The following WIPF2 variants were observed in gnomAD, a reference collection of about 807,000 sequenced individuals.
WIPF2 encodes WAS/WASL interacting protein family member 2, also known as WAS/WASL-interacting protein family member 2.
A neutral mutation model predicts 38.8 loss-of-function variants in WIPF2; 23 were observed. The ratio of observed to expected loss-of-function variants is 0.59; its 90% CI spans 0.43 to 0.84. The LOEUF (loss-of-function observed/expected upper bound fraction) is 0.84, where lower values mean the gene tolerates loss of function less well. WIPF2 is among the 40% of genes least tolerant of loss of function. WIPF2 has a pLI of 0.00. For synonymous variants in WIPF2, 210 were observed against 223.2 expected (o/e 0.94, Z 0.53); for missense variants, 574 against 580.5 (o/e 0.99, Z 0.11).
chr17:40,273,847 C>T lies in WIPF2; in HGVS notation c.1028C>T (p.Pro343Leu), dbSNP rs369059320. 3.8e-6 allele frequency: 6 copies of T among 1,586,740 alleles called. No homozygotes were observed. Among genetic ancestry groups the T allele is most frequent in the African/African-American group, 2.7e-5 (2 of 73,884 alleles). ...RNGARDAPPPPPPYRMHGSEP... is the reference protein window; with the variant it reads ...RNGARDAPPPLPPYRMHGSEP... ...GGTGCCAGGGATGCTCCCCCTCCCCCACCACCATACCGAATGCATGGGTCA... is the reference window on the plus strand; with the variant it reads ...GGTGCCAGGGATGCTCCCCCTCCCCTACCACCATACCGAATGCATGGGTCA... The change falls in exon 6 of 8, where the codon CCA (proline) becomes CTA (leucine). Residue 343 changes from proline (P) to leucine (L), a missense_variant. Physicochemically the swap from Pro to Leu is moderately conservative, Grantham distance 98. Transcript: ENST00000323571.
intron 1 of WIPF2, among the ~76,000 whole-genome samples, chr17:40,222,942 A>T (rs1051442491): frequency 3.3e-5 from 5 of 149,560 alleles, no homozygotes; most frequent in African/African-American, 7.4e-5. Flanking sequence ...AAGTGTTGAG[A>T]TTACAGGCAT....
chr17:40,279,159 T>G lies in WIPF2; in HGVS notation c.*934T>G, dbSNP rs2032492555. The G allele has an allele frequency of 6.6e-6, 1 of 152,282 alleles. No homozygotes were observed. The allele number at this position is 152,282 out of a possible 1,614,324, so 9.4% of individuals were successfully genotyped here. A position where few individuals can be genotyped will look rare whatever the true frequency, so the allele number is the denominator to read the frequency against. ...GGCCTGGGCCTTAACCTCAATCTTG[T>G]GTCTGCCTCAGTCTTTTCTGACTGG... On this transcript the variant is annotated 3_prime_UTR_variant, in exon 8 of 8. Coordinates refer to ENST00000323571, the MANE Select transcript of WIPF2 (RefSeq NM_133264.5).
At chr17:40,271,972 G>A (rs1289418889) in intron 5 of WIPF2, among the ~76,000 whole-genome samples, 1 of 151,004 alleles carries the variant, frequency 6.6e-6, no homozygotes, top group East Asian at 1.9e-4. Context: ...GAGTGAATTT[G>A]ATTTTTGGAA....
intron 1 of WIPF2, among the ~76,000 whole-genome samples, chr17:40,226,526 C>A (rs1426758962): frequency 6.6e-6 from 1 of 151,468 alleles, no homozygotes; most frequent in East Asian, 2.0e-4. Context: ...TTGGAATTTT[C>A]TTCTAAGGTA....
chr17:40,228,164 C>T (rs959623003), intron 1 of WIPF2, among the ~76,000 whole-genome samples: 5 of 149,702 alleles, frequency 3.3e-5, no homozygotes, highest in African/African-American at 7.4e-5. Flanking sequence ...TACAGGCGCC[C>T]GCCACTACGC....
At chr17:40,223,533 GAAAA>G (rs58989731) in intron 1 of WIPF2, among the ~76,000 whole-genome samples, 1 of 142,986 alleles carries the variant, frequency 7.0e-6, no homozygotes. Flanking sequence ...GTGTTTTTAG[GAAAA>G]AAAAAAGGCA....
intron 4 of WIPF2, among the ~76,000 whole-genome samples, 164 bp from the exon 5 acceptor site, chr17:40,264,326 C>CAAAAAAAAAAAAAAAA (rs772320240): frequency 8.3e-5 from 2 of 23,964 alleles, no homozygotes; most frequent in Non-Finnish European, 1.7e-4. Context: ...AACTTCGTCT[C>CAAAAAAAAAAAAAAAA]AAAAAAAAAA....
In WIPF2 at chr17:40,281,889, A is replaced by G. The variant is rs2032552985; in HGVS notation, c.*3664A>G. 1 of 152,430 alleles carries G rather than the reference A, an allele frequency of 6.6e-6. No homozygotes were observed. The highest frequency in any genetic ancestry group is 1.5e-5 in the Non-Finnish European group (1 of 68,032). The allele number at this position is 152,430 out of a possible 1,614,324, so 9.4% of individuals were successfully genotyped here. Reference sequence around the variant, plus strand: ...AGCTGTCTGCCCTTCCGGAAACCCAACCTGCAATCAACTGCAAATCAAATT... The same window carrying G: ...AGCTGTCTGCCCTTCCGGAAACCCAGCCTGCAATCAACTGCAAATCAAATT... On this transcript the variant is annotated 3_prime_UTR_variant, in exon 8 of 8. Coordinates refer to ENST00000323571, the MANE Select transcript of WIPF2 (RefSeq NM_133264.5).
chr17:40,271,214 A>G (rs59490243), intron 5 of WIPF2, among the ~76,000 whole-genome samples: 22,110 of 152,110 alleles, frequency 0.15, 1,691 homozygotes, highest in East Asian at 0.3. Context: ...GGCATCAAGC[A>G]ATCTGCCTGC....
intron 1 of WIPF2, among the ~76,000 whole-genome samples, chr17:40,227,678 C>A (rs2030550186): frequency 6.6e-6 from 1 of 151,820 alleles, no homozygotes; most frequent in African/African-American, 2.4e-5. Flanking sequence ...CATGGTGAAA[C>A]CCTGTCTCTA....
chr17:40,239,364 C>T (rs2031100589), intron 1 of WIPF2, among the ~76,000 whole-genome samples: 1 of 152,142 alleles, frequency 6.6e-6, no homozygotes, highest in Non-Finnish European at 1.5e-5. Flanking sequence ...ATCCACTGCG[C>T]CCAGCCTTGG....
chr17:40,246,345 C>T (rs1440860084), intron 1 of WIPF2, among the ~76,000 whole-genome samples: 2 of 151,446 alleles, frequency 1.3e-5, no homozygotes, highest in Non-Finnish European at 2.9e-5. Flanking sequence ...CTCGGCCTCC[C>T]AAAGTGCTGG....
intron 6 of WIPF2, among the ~76,000 whole-genome samples, chr17:40,274,418 TA>T (rs1464187644): frequency 6.6e-6 from 1 of 151,742 alleles, no homozygotes; most frequent in Non-Finnish European, 1.5e-5. Context: ...ATTTTTTAAT[TA>T]TTTTTTATAG....
intron 1 of WIPF2, among the ~76,000 whole-genome samples, chr17:40,254,510 T>C (rs1353535774): frequency 3.3e-5 from 5 of 152,136 alleles, no homozygotes; most frequent in Middle Eastern, 3.2e-3. Context: ...GGGGTAGTTA[T>C]TGTTCTTGAG....
At chr17:40,274,557 G>GAAAAAAAAAAAAAAA (rs571085371) in intron 6 of WIPF2, among the ~76,000 whole-genome samples, 1 of 24,780 alleles carries the variant, frequency 4.0e-5, no homozygotes, top group African/African-American at 1.5e-4. Context: ...TGGAATTCTT[G>GAAAAAAAAAAAAAAA]AAAAAAAAAA....
At chr17:40,226,765 T>C (rs1033537271) in intron 1 of WIPF2, among the ~76,000 whole-genome samples, 3 of 152,120 alleles carry the variant, frequency 2.0e-5, no homozygotes, top group East Asian at 1.9e-4. Context: ...TTTTTGAGAC[T>C]GAGTCTTGCT....
intron 1 of WIPF2, among the ~76,000 whole-genome samples, chr17:40,239,110 C>T (rs1312124176): frequency 1.3e-5 from 2 of 150,916 alleles, no homozygotes; most frequent in African/African-American, 4.9e-5. Context: ...CTCGCTCTGT[C>T]GCCCAGGCTG....
chr17:40,268,171 A>G (rs946108852), intron 5 of WIPF2, among the ~76,000 whole-genome samples: 1 of 152,184 alleles, frequency 6.6e-6, no homozygotes, highest in Admixed American at 6.5e-5. Flanking sequence ...AGGTTATATC[A>G]TTAAGTAGCA....
At position 40,283,854 on chromosome 17, in the gene WIPF2, G is replaced by A. The variant is rs1029719713; in HGVS notation, c.*5629G>A. On this transcript the variant is annotated 3_prime_UTR_variant, in exon 8 of 8. Coordinates refer to ENST00000323571, the MANE Select transcript of WIPF2 (RefSeq NM_133264.5). ...AACCAGACATTCTCTCCTTACTGTG[G>A]TCAGCTGACATCATAACCACTAAGG... The A allele has an allele frequency of 6.6e-6, 1 of 152,066 alleles. No homozygotes were observed. The highest frequency in any genetic ancestry group is 1.5e-5 in the Non-Finnish European group (1 of 68,020). The allele number at this position is 152,066 out of a possible 1,614,324, so 9.4% of individuals were successfully genotyped here. A position where few individuals can be genotyped will look rare whatever the true frequency, so the allele number is the denominator to read the frequency against.
Sources: gnomAD v4.1 joint callset for allele counts (sites outside exome capture counted in the v4.1 genomes callset) on GRCh38, gnomAD v4.1.1 for gene constraint, MANE v1.5 for transcripts, NCBI Gene and HGNC (gene_info 2026-07-23, HGNC 2026-07-21) for gene names.